The following TUSC3 variants were observed in gnomAD, a reference collection of about 807,000 sequenced individuals.
TUSC3 encodes the protein dolichyl-diphosphooligosaccharide--protein glycosyltransferase subunit TUSC3.
In TUSC3, 45 loss-of-function variants were observed where a neutral mutation model predicts 44.8. The observed-to-expected ratio is 1.00, with a 90% CI of 0.79 to 1.29. TUSC3 has a LOEUF of 1.29. TUSC3 is among the 50% of genes most tolerant of loss of function. TUSC3 has a pLI of 0.00. For missense variants in TUSC3, 519 were observed against 437.9 expected, an observed-to-expected ratio of 1.19 and a Z score of -1.65; for synonymous variants, 212 against 152.9, an observed-to-expected ratio of 1.39 and a Z score of -2.85.
intron 1 of TUSC3, among the ~76,000 whole-genome samples, chr8:15,606,373 CTA>C (rs903756629): frequency 1.3e-4 from 20 of 151,896 alleles, no homozygotes; most frequent in African/African-American, 4.8e-4. Context: ...TGTTAATTGA[CTA>C]TGTTATTGGT....
At chr8:15,667,654 A>C (rs11787423) in intron 5 of TUSC3, among the ~76,000 whole-genome samples, 3,570 of 151,818 alleles carry the variant, frequency 0.024, 65 homozygotes, top group African/African-American at 0.05. Flanking sequence ...GATACCTTCA[A>C]ATTAACTCGT....
rs1451317725 is a variant in TUSC3, at chr8:15,421,676, A to C, written n.91+4371A>C. On this transcript the variant is annotated intron_variant and non_coding_transcript_variant, in intron 1 of 5. Transcript: ENST00000503191. ...CACTAATGGGACAGTGGGAAAAAAT[A>C]TATAACAGATACTGAATGTTAAAGG... Among the ~76,000 whole-genome samples the C allele has an allele frequency of 1.1e-4, 17 of 152,282 alleles. 1 individual carries two copies.
At chr8:15,674,176 C>G (rs1381662431) in intron 6 of TUSC3, among the ~76,000 whole-genome samples, 1 of 151,968 alleles carries the variant, frequency 6.6e-6, no homozygotes, top group African/African-American at 2.4e-5. Flanking sequence ...TAGCCAATGT[C>G]CCTCCCATCC....
At chr8:15,584,498 T>C (rs1487001213) in intron 1 of TUSC3, among the ~76,000 whole-genome samples, 1 of 152,146 alleles carries the variant, frequency 6.6e-6, no homozygotes, top group Non-Finnish European at 1.5e-5. Flanking sequence ...CAGAGACTCT[T>C]TAGTGAGGGA....
the TUSC3 span, among the ~76,000 whole-genome samples, chr8:15,784,255 C>A: frequency 6.6e-6 from 1 of 152,084 alleles, no homozygotes; most frequent in Admixed American, 6.5e-5. Flanking sequence ...TGAGAATGTA[C>A]ATCAGTACAG....
rs572781612 is a variant in TUSC3, at chr8:15,764,944, C to T, written c.*788C>T. Reference sequence around the variant, plus strand: ...AACACACTATCCATTTTCGAGCAAACCTAACCCACTATATCCATTTTGCTC... The same window carrying T: ...AACACACTATCCATTTTCGAGCAAATCTAACCCACTATATCCATTTTGCTC... On this transcript the variant is annotated 3_prime_UTR_variant, in exon 11 of 11. Transcript: ENST00000503731. 6.6e-6 allele frequency: 1 copy of T among 151,128 alleles called. No homozygotes were observed. The highest frequency in any genetic ancestry group is 2.1e-4 in the South Asian group (1 of 4,836). 9.4% of individuals were successfully genotyped at this position (151,128 alleles called of 1,614,324 possible). A position where few individuals can be genotyped will look rare whatever the true frequency, so the allele number is the denominator to read the frequency against.
chr8:15,612,517 G>A (rs1182708946), intron 1 of TUSC3, among the ~76,000 whole-genome samples: 5 of 152,120 alleles, frequency 3.3e-5, no homozygotes, highest in African/African-American at 1.2e-4. Flanking sequence ...AAAAAATGGA[G>A]TGGTGTCATA....
At chr8:15,723,187 G>T (rs1810370611) in intron 6 of TUSC3, among the ~76,000 whole-genome samples, 1 of 151,954 alleles carries the variant, frequency 6.6e-6, no homozygotes, top group African/African-American at 2.4e-5. Flanking sequence ...TGACTTTTTG[G>T]AGTATGCCTG....
chr8:15,846,313 C>G, the TUSC3 span, among the ~76,000 whole-genome samples: 14 of 152,240 alleles, frequency 9.2e-5, no homozygotes, highest in South Asian at 2.3e-3. Context: ...GGCTGCCTCA[C>G]TTAAGAATGG....
In TUSC3 at chr8:15,555,916, T is replaced by C. The variant is rs982698460; in HGVS notation, c.138+15348T>C. Among the ~76,000 whole-genome samples, 7 of 151,032 alleles carry C rather than the reference T, an allele frequency of 4.6e-5. 2 individuals are homozygous for C. In the South Asian group the frequency reaches 1.3e-3, roughly 27 times the overall value. On this transcript the variant is annotated intron_variant, in intron 1 of 10. Transcript: ENST00000503731. Reference sequence around the variant, plus strand: ...AATTTATAGTTCTCTGATAAAAATATATCAATAATGTATGCTTTCTGGATA... The same window carrying C: ...AATTTATAGTTCTCTGATAAAAATACATCAATAATGTATGCTTTCTGGATA...
the TUSC3 span, among the ~76,000 whole-genome samples, chr8:15,801,273 T>G: frequency 1.3e-5 from 2 of 152,256 alleles, no homozygotes; most frequent in East Asian, 3.9e-4. Context: ...AATGGATACA[T>G]TTTTACTATT....
the TUSC3 span, among the ~76,000 whole-genome samples, chr8:15,825,000 T>C: frequency 4.6e-5 from 7 of 151,964 alleles, no homozygotes; most frequent in Admixed American, 1.3e-4. Context: ...AACCTCTTTA[T>C]TGTTGATTCA....
chr8:15,697,631 T>C (rs1809226970), intron 6 of TUSC3, among the ~76,000 whole-genome samples: 1 of 152,200 alleles, frequency 6.6e-6, no homozygotes, highest in South Asian at 2.1e-4. Flanking sequence ...AATGAGTGAA[T>C]GAATGAGCCA....
chr8:15,621,519 A>G (rs576264390), intron 1 of TUSC3, among the ~76,000 whole-genome samples: 52 of 146,346 alleles, frequency 3.6e-4, no homozygotes, highest in Non-Finnish European at 7.3e-4. Flanking sequence ...ATATATGTAA[A>G]ATATATATAT....
At chr8:15,551,484 A>G (rs1197120767) in intron 1 of TUSC3, among the ~76,000 whole-genome samples, 2 of 151,750 alleles carry the variant, frequency 1.3e-5, no homozygotes, top group African/African-American at 4.8e-5. Flanking sequence ...GGGGGTAACA[A>G]AAACTAATTG....
At chr8:15,616,543 C>T (rs893498344) in intron 1 of TUSC3, among the ~76,000 whole-genome samples, 2 of 152,174 alleles carry the variant, frequency 1.3e-5, no homozygotes, top group Non-Finnish European at 2.9e-5. Context: ...CACCACTGCC[C>T]TCCAGCCTGT....
At chr8:15,456,243 C>A (rs1800255326) in intron 1 of TUSC3, among the ~76,000 whole-genome samples, 1 of 152,156 alleles carries the variant, frequency 6.6e-6, no homozygotes, top group Admixed American at 6.6e-5. Flanking sequence ...CCTCATGTGA[C>A]TTAAACCCTT....
intron 2 of TUSC3, among the ~76,000 whole-genome samples, chr8:15,520,092 T>G (rs1309033140): frequency 1.3e-5 from 2 of 152,180 alleles, no homozygotes; most frequent in Non-Finnish European, 2.9e-5. Flanking sequence ...AATTCCCCTT[T>G]CATCCTGTTA....
chr8:15,753,671 T>C (rs1811802605), intron 9 of TUSC3, among the ~76,000 whole-genome samples: 1 of 152,096 alleles, frequency 6.6e-6, no homozygotes, highest in African/African-American at 2.4e-5. Context: ...GCTTTCGTTT[T>C]CTTCTCAGTT....
Sources: allele counts gnomAD v4.1 joint callset (sites outside exome capture counted in the v4.1 genomes callset), GRCh38; gene constraint gnomAD v4.1.1; transcripts MANE v1.5; gene names NCBI Gene and HGNC (gene_info 2026-07-23, HGNC 2026-07-21).